IGF1: variants seen among roughly 807,000 people sequenced by gnomAD.
IGF1 encodes insulin like growth factor 1, also known as insulin-like growth factor 1.
Under a neutral mutation model 13.8 loss-of-function variants are expected in IGF1, and 4 were observed. The observed-to-expected ratio is 0.29, with a 90% CI of 0.14 to 0.66. The LOEUF is 0.66. IGF1 is among the 30% of genes least tolerant of loss of function. The probability of loss-of-function intolerance (pLI) is 0.78; values close to 1 mark genes in which losing one functional copy is unlikely to be tolerated. For synonymous variants in IGF1, 76 were observed against 72.6 expected, an observed-to-expected ratio of 1.05 and a Z score of -0.23; for missense variants, 124 against 188.5, an observed-to-expected ratio of 0.66 and a Z score of 2.00.
intron 3 of IGF1, among the ~76,000 whole-genome samples, chr12:102,405,011 C>T (rs901366674): frequency 2.6e-5 from 4 of 151,966 alleles, no homozygotes; most frequent in African/African-American, 4.8e-5. Flanking sequence ...CCCGCCTTGG[C>T]CTCCCAAAGT....
intron 3 of IGF1, among the ~76,000 whole-genome samples, chr12:102,413,645 G>A (rs1469764529): frequency 6.6e-6 from 1 of 152,160 alleles, no homozygotes; most frequent in Non-Finnish European, 1.5e-5. Context: ...TGTGAGCCCA[G>A]AAATATCCTG....
intron 2 of IGF1, among the ~76,000 whole-genome samples, chr12:102,450,712 C>T (rs1878846357): frequency 6.6e-6 from 1 of 152,222 alleles, no homozygotes; most frequent in South Asian, 2.1e-4. Flanking sequence ...TTCATTTTCT[C>T]AATATCTACA....
intron 2 of IGF1, among the ~76,000 whole-genome samples, chr12:102,435,418 C>T (rs970961658): frequency 4.6e-5 from 7 of 152,222 alleles, no homozygotes; most frequent in African/African-American, 1.7e-4. Flanking sequence ...TACACAGTCT[C>T]CCCACATCCC....
chr12:102,467,810 G>A (rs1273547943), intron 2 of IGF1, among the ~76,000 whole-genome samples: 1 of 152,144 alleles, frequency 6.6e-6, no homozygotes, highest in Admixed American at 6.5e-5. Flanking sequence ...ATACTGCAGT[G>A]GGATGAGAAA....
chr12:102,460,938 T>C (rs1879849284), intron 2 of IGF1, among the ~76,000 whole-genome samples: 1 of 152,192 alleles, frequency 6.6e-6, no homozygotes, highest in South Asian at 2.1e-4. Flanking sequence ...TGACTTTTTT[T>C]CCCTGCCAAA....
At chr12:102,413,845 G>T (rs1468338478) in intron 3 of IGF1, among the ~76,000 whole-genome samples, 3 of 152,152 alleles carry the variant, frequency 2.0e-5, no homozygotes, top group East Asian at 3.8e-4. Context: ...TCTCACTTGG[G>T]AGAGCCAAGC....
At chr12:102,436,430 A>G (rs771079438) in intron 2 of IGF1, among the ~76,000 whole-genome samples, 15 of 152,300 alleles carry the variant, frequency 9.8e-5, no homozygotes, top group Non-Finnish European at 1.5e-5. Flanking sequence ...CAACTTGCTC[A>G]ATTGTAAAAT....
intron 3 of IGF1, among the ~76,000 whole-genome samples, chr12:102,414,615 G>T (rs1019790827): frequency 6.6e-6 from 1 of 151,882 alleles, no homozygotes; most frequent in African/African-American, 2.4e-5. Flanking sequence ...GTAGAGATGG[G>T]GTTTCGCTAT....
rs1310287741 is a variant in IGF1 at position 102,415,548 on chromosome 12, T to TTCCTTCCTTCCTTCCTTCCTTCCTTCCG, written c.402+3960_402+3961insCGGAAGGAAGGAAGGAAGGAAGGAAGGA. Among the ~76,000 whole-genome samples the TTCCTTCCTTCCTTCCTTCCTTCCTTCCG allele has an allele frequency of 9.8e-3, 997 of 101,942 alleles. 53 individuals are homozygous for TTCCTTCCTTCCTTCCTTCCTTCCTTCCG. The highest frequency in any genetic ancestry group is 0.024 in the African/African-American group (603 of 25,216). 66.9% of individuals were successfully genotyped at this position (101,942 alleles called of 152,430 possible). A position where few individuals can be genotyped will look rare whatever the true frequency, so the allele number is the denominator to read the frequency against. On this transcript the variant is annotated intron_variant, in intron 3 of 3. Coordinates refer to ENST00000337514, the MANE Select transcript of IGF1 (RefSeq NM_000618.5). Reference sequence around the variant, plus strand: ...TCTTTTTGTTCTTCCTTCCCTTTCCTTCCTTCCTTCCTTCCTTCCTTCCTT... The same window carrying TTCCTTCCTTCCTTCCTTCCTTCCTTCCG: ...TCTTTTTGTTCTTCCTTCCCTTTCCTTCCTTCCTTCCTTCCTTCCTTCCTTCCGTCCTTCCTTCCTTCCTTCCTTCCTT...
rs185777524 is a variant in IGF1, at chr12:102,401,734, T to G, written c.*773A>C. The G allele has an allele frequency of 2.0e-5, 3 of 152,718 alleles. No homozygotes were observed. Among genetic ancestry groups the G allele is most frequent in the Non-Finnish European group, 2.9e-5 (2 of 68,046 alleles). The allele number at this position is 152,718 out of a possible 1,614,324, so 9.5% of individuals were successfully genotyped here. ...GTTACTAATTAGGTTGCACATTAAC[T>G]CATCATTTGAAGGAACTCTTTTGAG... is the stretch of plus-strand genomic sequence containing the variant. On this transcript the variant is annotated 3_prime_UTR_variant, in exon 4 of 4. Coordinates refer to ENST00000337514, the MANE Select transcript of IGF1 (RefSeq NM_000618.5).
chr12:102,412,707 C>A (rs1874752056), intron 3 of IGF1, among the ~76,000 whole-genome samples: 1 of 152,156 alleles, frequency 6.6e-6, no homozygotes, highest in Admixed American at 6.5e-5. Context: ...TAATTGAGTT[C>A]CTGGTATGAT....
chr12:102,427,329 A>G (rs1293597925), intron 2 of IGF1, among the ~76,000 whole-genome samples: 1 of 152,062 alleles, frequency 6.6e-6, no homozygotes, highest in Non-Finnish European at 1.5e-5. Context: ...TTACTCTTTC[A>G]GATGTGGGAA....
intron 2 of IGF1, among the ~76,000 whole-genome samples, chr12:102,427,235 A>G (rs1876285825): frequency 1.3e-5 from 2 of 152,044 alleles, no homozygotes; most frequent in African/African-American, 2.4e-5. Flanking sequence ...GACTGACACA[A>G]CTGTAAGCTG....
chr12:102,438,348 C>T (rs1877421084), intron 2 of IGF1, among the ~76,000 whole-genome samples: 1 of 152,178 alleles, frequency 6.6e-6, no homozygotes, highest in African/African-American at 2.4e-5. Flanking sequence ...ACCTAAGGAT[C>T]CAAGAGATCT....
chr12:102,404,248 C>T (rs1211446761), intron 3 of IGF1, among the ~76,000 whole-genome samples: 2 of 152,182 alleles, frequency 1.3e-5, no homozygotes, highest in Admixed American at 6.5e-5. Context: ...AACACCCACA[C>T]AGTTACAATA....
chr12:102,412,309 A>C (rs577380646), intron 3 of IGF1, among the ~76,000 whole-genome samples: 1 of 152,300 alleles, frequency 6.6e-6, no homozygotes, highest in East Asian at 1.9e-4. Context: ...AGACAATCCA[A>C]GAAACTGTTC....
At chr12:102,428,896 G>T (rs888249755) in intron 2 of IGF1, among the ~76,000 whole-genome samples, 3 of 152,104 alleles carry the variant, frequency 2.0e-5, no homozygotes, top group Non-Finnish European at 4.4e-5. Flanking sequence ...ATGTCTAGCC[G>T]TAACTACATG....
intron 2 of IGF1, among the ~76,000 whole-genome samples, chr12:102,427,377 C>A (rs6539036): frequency 0.77 from 116,368 of 152,076 alleles, 44,580 homozygotes; most frequent in Admixed American, 0.83. Context: ...ATTCGTGAGT[C>A]GAGGGTAACG....
chr12:102,446,659 C>G (rs1001288731), intron 2 of IGF1, among the ~76,000 whole-genome samples: 2 of 152,030 alleles, frequency 1.3e-5, no homozygotes, highest in South Asian at 4.1e-4. Flanking sequence ...TTTTGCTGCT[C>G]TTTCAAAAAA....
Sources: allele counts gnomAD v4.1 joint callset (sites outside exome capture counted in the v4.1 genomes callset), GRCh38; gene constraint gnomAD v4.1.1; transcripts MANE v1.5; gene names NCBI Gene and HGNC (gene_info 2026-07-23, HGNC 2026-07-21).